Variants in DARS2 observed in about 807,000 individuals in gnomAD.
DARS2 encodes the protein aspartate--tRNA ligase, mitochondrial.
A neutral mutation model predicts 83.0 loss-of-function variants in DARS2; 63 were observed. The observed-to-expected ratio is 0.76, with a 90% CI of 0.62 to 0.94. The LOEUF (loss-of-function observed/expected upper bound fraction) is 0.94. DARS2 is among the 40% of genes least tolerant of loss of function. The pLI, the probability that DARS2 is intolerant of heterozygous loss-of-function variation, is 0.00. For missense variants in DARS2, 675 were observed against 774.4 expected, an observed-to-expected ratio of 0.87 and a Z score of 1.52; for synonymous variants, 250 against 269.3, an observed-to-expected ratio of 0.93 and a Z score of 0.70.
At chr1:173,834,782 GTTTTTTTTTTTTTT>G (rs558344998) in intron 7 of DARS2, among the ~76,000 whole-genome samples, 4 of 26,756 alleles carry the variant, frequency 1.5e-4, no homozygotes, top group Non-Finnish European at 2.5e-4. Context: ...TTTTTTTTTT[GTTTTTTTTTTTTTT>G]TTGAGACAGT....
chr1:173,837,196 T>C (rs925832415), intron 8 of DARS2, 150 bp downstream of exon 8: 2 of 742,908 alleles, frequency 2.7e-6, no homozygotes, highest in African/African-American at 3.6e-5. Flanking sequence ...TCATAATTTA[T>C]AGTCATCCTT....
intron 10 of DARS2, 150 bp downstream of exon 10, chr1:173,839,696 G>C: frequency 1.4e-6 from 1 of 702,574 alleles, no homozygotes; most frequent in Non-Finnish European, 2.5e-6. Flanking sequence ...GAGCAAGAGA[G>C]AATAATAGCA....
chr1:173,844,778 ATTTTTTTTTTTTTTTTT>A (rs1164469532), intron 11 of DARS2, among the ~76,000 whole-genome samples: 1 of 56,838 alleles, frequency 1.8e-5, no homozygotes, highest in South Asian at 7.6e-4. Context: ...CAGAAATTGG[ATTTTTTTTTTTTTTTTT>A]TTTTTTTTTT....
At chr1:173,857,451 GAAAAACTAAGTTATTT>G in intron 16 of DARS2, 51 bp from the exon 17 acceptor site, 1 of 1,526,294 alleles carries the variant, frequency 6.6e-7, no homozygotes, top group Non-Finnish European at 9.1e-7. Flanking sequence ...AACTTTTATA[GAAAAACTAAGTTATTT>G]CCAACATTAG....
rs972952504 is a variant in DARS2 at position 173,824,773 on chromosome 1, C to T, written c.-457C>T. On this transcript the variant is annotated 5_prime_UTR_variant, in exon 1 of 17. Coordinates refer to ENST00000649689, the MANE Select transcript of DARS2 (RefSeq NM_018122.5). ...CTCTTTCAGAAGACTCGAAATCGGC[C>T]AGCAGGTCTGCGAGATTTGAAACGC... is the stretch of plus-strand genomic sequence containing the variant. The T allele has an allele frequency of 1.1e-5, 2 of 184,718 alleles. No individual in the cohort carries two copies. Among genetic ancestry groups the T allele is most frequent in the African/African-American group, 4.7e-5 (2 of 42,228 alleles). The allele number at this position is 184,718 out of a possible 1,614,324, so 11.4% of individuals were successfully genotyped here.
chr1:173,848,276 C>T (rs1653518295), intron 12 of DARS2, among the ~76,000 whole-genome samples: 1 of 152,170 alleles, frequency 6.6e-6, no homozygotes, highest in Non-Finnish European at 1.5e-5. Flanking sequence ...GATCAACTTA[C>T]TGAGTTCTTA....
chr1:173,853,324 C>G, intron 13 of DARS2, 25 bp from the exon 14 acceptor site: 2 of 1,605,364 alleles, frequency 1.2e-6, no homozygotes, highest in African/African-American at 1.3e-5. Context: ...GAAGTTAACT[C>G]AATGTTTACG....
At chr1:173,855,532 T>C (rs953710102) in intron 15 of DARS2, among the ~76,000 whole-genome samples, 2 of 152,188 alleles carry the variant, frequency 1.3e-5, no homozygotes, top group Non-Finnish European at 2.9e-5. Context: ...TGCAATGGCA[T>C]GATCATAACT....
intron 5 of DARS2, among the ~76,000 whole-genome samples, chr1:173,832,425 A>T (rs1395242984): frequency 1.3e-5 from 2 of 152,142 alleles, no homozygotes; most frequent in Non-Finnish European, 2.9e-5. Flanking sequence ...AGTTATAGAC[A>T]TTTCCTAAGT....
In DARS2 at chr1:173,826,736, G is replaced by C. The variant is rs1365714648; in HGVS notation, c.177G>C (p.Ser59=). 1.9e-6 allele frequency: 3 copies of C among 1,610,514 alleles called. No individual in the cohort carries two copies. The highest frequency in any genetic ancestry group is 2.7e-5 in the African/African-American group (2 of 73,560). The change falls in exon 2 of 17, where the codon TCG becomes TCC. Residue 59 remains serine (S), a synonymous_variant. Coordinates refer to ENST00000649689, the MANE Select transcript of DARS2 (RefSeq NM_018122.5). ...CCAACACATGTGGAGAGTTGCGTTC[G>C]TCTCACTTAGGCCAAGAAGTCACCT... ...VRTNTCGELR[S]SHLGQEVTLC...
At chr1:173,833,312 C>G (rs1652861636) in intron 5 of DARS2, 64 bp from the exon 6 acceptor site, 2 of 1,443,388 alleles carry the variant, frequency 1.4e-6, no homozygotes, top group Non-Finnish European at 1.8e-6. Flanking sequence ...CAAACTCTTT[C>G]TAAAGATAAT....
rs1411014986 is a variant in DARS2, at chr1:173,825,065, C to T, written c.-165C>T. On this transcript the variant is annotated 5_prime_UTR_variant, in exon 1 of 17. Coordinates refer to ENST00000649689, the MANE Select transcript of DARS2 (RefSeq NM_018122.5). ...GAGACCTTGGAGATTTGTCTTGTTT[C>T]TAGACACGTGTACTCCAATGTTGTG... 1.0e-6 allele frequency: 1 copy of T among 980,752 alleles called. No homozygotes were observed. Among genetic ancestry groups the T allele is most frequent in the Non-Finnish European group, 1.5e-6 (1 of 654,032 alleles). The allele number at this position is 980,752 out of a possible 1,614,324, so 60.8% of individuals were successfully genotyped here.
intron 10 of DARS2, 46 bp downstream of exon 10, chr1:173,839,592 C>T (rs191972528): frequency 8.3e-6 from 13 of 1,573,834 alleles, no homozygotes; most frequent in Admixed American, 1.7e-5. Context: ...AATAATCCTG[C>T]AGTCTTTTTA....
chr1:173,853,924 T>G lies in DARS2; in HGVS notation c.1674+19T>G. The G allele has an allele frequency of 1.3e-6, 2 of 1,566,498 alleles. No homozygotes were observed. The highest frequency in any genetic ancestry group is 2.7e-5 in the African/African-American group (2 of 74,046). ...ACTAAAGGTAACAAACATCATCTGC[T>G]ATCCTGGGCTTATTTTTTTACCAGA... is the stretch of plus-strand genomic sequence containing the variant. On this transcript the variant is annotated intron_variant, in intron 15 of 16. Transcript: ENST00000649689.
At chr1:173,839,233 A>G in intron 9 of DARS2, 134 bp from the exon 10 acceptor site, 2 of 772,762 alleles carry the variant, frequency 2.6e-6, no homozygotes, top group Middle Eastern at 3.6e-4. Flanking sequence ...TCTGACATAA[A>G]AGAGATGTAC....
intron 13 of DARS2, among the ~76,000 whole-genome samples, chr1:173,852,837 A>G (rs1399911426): frequency 6.6e-6 from 1 of 152,106 alleles, no homozygotes; most frequent in Non-Finnish European, 1.5e-5. Flanking sequence ...TGCATTACCT[A>G]TAGTGATAGC....
At chr1:173,845,087 G>T in intron 11 of DARS2, 142 bp from the exon 12 acceptor site, 1 of 626,572 alleles carries the variant, frequency 1.6e-6, no homozygotes, top group Non-Finnish European at 2.9e-6. Flanking sequence ...GAGCCACCGC[G>T]CCCAGCCCAG....
chr1:173,843,817 C>T (rs1372554106), intron 11 of DARS2, among the ~76,000 whole-genome samples: 1 of 152,170 alleles, frequency 6.6e-6, no homozygotes, highest in Non-Finnish European at 1.5e-5. Flanking sequence ...AGGGCAGTGC[C>T]AGTGTGGGTG....
intron 6 of DARS2, among the ~76,000 whole-genome samples, chr1:173,834,191 A>G (rs1404502228): frequency 6.6e-6 from 1 of 152,254 alleles, no homozygotes; most frequent in Admixed American, 6.5e-5. Context: ...CTACACTAAC[A>G]GAACATTTAA....
Sources: gnomAD v4.1 joint callset for allele counts (sites outside exome capture counted in the v4.1 genomes callset) on GRCh38, gnomAD v4.1.1 for gene constraint, MANE v1.5 for transcripts, NCBI Gene and HGNC (gene_info 2026-07-23, HGNC 2026-07-21) for gene names.